Variants in GABRA4 observed in about 807,000 individuals in gnomAD.
GABRA4 encodes gamma-aminobutyric acid receptor subunit alpha-4.
GABRA4 carries 12 observed loss-of-function variants against 49.7 expected under a neutral mutation model. The observed-to-expected ratio is 0.24, with a 90% CI of 0.15 to 0.39. GABRA4 has a LOEUF of 0.39. GABRA4 is among the 10% of genes least tolerant of loss of function. GABRA4 has a pLI of 1.00. For synonymous variants in GABRA4, 288 were observed against 240.2 expected (o/e 1.20, Z -1.84); for missense variants, 506 against 686.0 (o/e 0.74, Z 2.93).
At chr4:46,962,183 G>A (rs1722599301) in intron 8 of GABRA4, among the ~76,000 whole-genome samples, 1 of 151,822 alleles carries the variant, frequency 6.6e-6, no homozygotes, top group Non-Finnish European at 1.5e-5. Flanking sequence ...TAGTTCTAAT[G>A]TGTGGCCATG....
rs1721128160 is a variant in GABRA4, at chr4:46,924,128, T to A, written c.*4097A>T. On this transcript the variant is annotated 3_prime_UTR_variant, in exon 9 of 9. Coordinates refer to ENST00000264318, the MANE Select transcript of GABRA4 (RefSeq NM_000809.4). ...CTCTCCTTCAACAATGTAATTAAGT[T>A]ATGTGGATCTTTTATCCACCTCTAT... The A allele has an allele frequency of 6.6e-6, 1 of 152,178 alleles. No individual in the cohort carries two copies. The highest frequency in any genetic ancestry group is 1.5e-5 in the Non-Finnish European group (1 of 68,032). The allele number at this position is 152,178 out of a possible 1,614,324, so 9.4% of individuals were successfully genotyped here.
intron 2 of GABRA4, among the ~76,000 whole-genome samples, chr4:46,985,574 T>C (rs1240135249): frequency 6.6e-6 from 1 of 152,006 alleles, no homozygotes; most frequent in Non-Finnish European, 1.5e-5. Flanking sequence ...GGCGGTGATG[T>C]TTAATGATAT....
At chr4:46,978,879 A>G (rs1723248966) in intron 3 of GABRA4, 152 bp downstream of exon 3, 1 of 654,880 alleles carries the variant, frequency 1.5e-6, no homozygotes, top group Non-Finnish European at 2.8e-6. Flanking sequence ...ATGAGATTCA[A>G]TGTCTTACTC....
At chr4:46,992,765 A>G in intron 2 of GABRA4, 63 bp downstream of exon 2, 1 of 1,154,454 alleles carries the variant, frequency 8.7e-7, no homozygotes, top group Non-Finnish European at 1.3e-6. Context: ...CCACAGACAG[A>G]CAGACAGGAA....
Position 46,979,027 on chromosome 4 carries a change from C to G in GABRA4, c.273+4G>C. On this transcript the variant is annotated splice_donor_region_variant and intron_variant, in intron 3 of 8. Transcript: ENST00000264318. ...AAGGTACATTAAACTTCGAAAATAC[C>G]TACCATTTCAACATCAGAAACAGGT... The G allele has an allele frequency of 6.3e-7, 1 of 1,597,538 alleles. No individual in the cohort carries two copies. Among genetic ancestry groups the G allele is most frequent in the East Asian group, 2.2e-5 (1 of 44,624 alleles).
chr4:46,967,753 C>T (rs905245061), intron 7 of GABRA4, among the ~76,000 whole-genome samples: 3 of 151,576 alleles, frequency 2.0e-5, no homozygotes, highest in Admixed American at 6.6e-5. Flanking sequence ...ATTATTGATG[C>T]CATTCCCTGC....
intron 8 of GABRA4, among the ~76,000 whole-genome samples, chr4:46,963,027 T>G (rs1201808647): frequency 6.6e-6 from 1 of 151,820 alleles, no homozygotes; most frequent in Non-Finnish European, 1.5e-5. Flanking sequence ...CTCTTGGACA[T>G]TGGTCTGGGC....
chr4:46,966,885 T>C (rs1388954890), intron 7 of GABRA4, among the ~76,000 whole-genome samples: 1 of 151,754 alleles, frequency 6.6e-6, no homozygotes, highest in Middle Eastern at 3.2e-3. Flanking sequence ...AATGAGTTTA[T>C]TCAATATATA....
intron 2 of GABRA4, among the ~76,000 whole-genome samples, chr4:46,992,505 T>A (rs1723792902): frequency 6.6e-6 from 1 of 152,088 alleles, no homozygotes; most frequent in African/African-American, 2.4e-5. Flanking sequence ...GGGAAACTAT[T>A]CTCAGCGAAG....
rs1431624322 is a variant in GABRA4 at position 46,927,484 on chromosome 4, G to A, written c.*741C>T. ...AGCTTTCCTAGAGAGACAGTTTCTAGCATAGTTCCTGGAACACAGTAGGCT... is the reference window on the plus strand; with the variant it reads ...AGCTTTCCTAGAGAGACAGTTTCTAACATAGTTCCTGGAACACAGTAGGCT... On this transcript the variant is annotated 3_prime_UTR_variant, in exon 9 of 9. Coordinates refer to ENST00000264318, the MANE Select transcript of GABRA4 (RefSeq NM_000809.4). 1 of 152,474 alleles carries A rather than the reference G, an allele frequency of 6.6e-6. No homozygotes were observed. Among genetic ancestry groups the A allele is most frequent in the Non-Finnish European group, 1.5e-5 (1 of 67,988 alleles). 9.4% of individuals were successfully genotyped at this position (152,474 alleles called of 1,614,324 possible). A position where few individuals can be genotyped will look rare whatever the true frequency, so the allele number is the denominator to read the frequency against.
At chr4:46,940,122 T>C (rs774947194) in intron 8 of GABRA4, among the ~76,000 whole-genome samples, 4 of 152,220 alleles carry the variant, frequency 2.6e-5, no homozygotes, top group Middle Eastern at 3.4e-3. Context: ...ATCTTCTATG[T>C]GATAAAAATA....
chr4:46,950,494 C>G (rs1220137661), intron 8 of GABRA4, among the ~76,000 whole-genome samples: 1 of 151,928 alleles, frequency 6.6e-6, no homozygotes, highest in Non-Finnish European at 1.5e-5. Context: ...CTGGGCCTCA[C>G]CTTTACTTCA....
At position 46,954,474 on chromosome 4, in the gene GABRA4, T is replaced by C. The variant is rs139559055; in HGVS notation, c.1134+10496A>G. Among the ~76,000 whole-genome samples the C allele has an allele frequency of 1.4e-3, 211 of 151,798 alleles. 7 individuals are homozygous for C. In the East Asian group the frequency reaches 0.038, roughly 27 times the overall value. Reference sequence around the variant, plus strand: ...CAGGAGGCTGAGGCAGAAGAATCACTTGAATCCGGGAGGTGGAGGTTGCAA... The same window carrying C: ...CAGGAGGCTGAGGCAGAAGAATCACCTGAATCCGGGAGGTGGAGGTTGCAA... On this transcript the variant is annotated intron_variant, in intron 8 of 8. Transcript: ENST00000264318.
intron 7 of GABRA4, among the ~76,000 whole-genome samples, chr4:46,966,850 C>T (rs2109378474): frequency 6.6e-6 from 1 of 151,690 alleles, no homozygotes; most frequent in South Asian, 2.1e-4. Flanking sequence ...TGTTAGCATT[C>T]TTATTAGTCT....
At chr4:46,959,425 C>T (rs1481512488) in intron 8 of GABRA4, among the ~76,000 whole-genome samples, 2 of 151,906 alleles carry the variant, frequency 1.3e-5, no homozygotes, top group African/African-American at 4.8e-5. Context: ...TAAAGTCTTT[C>T]CCAATGATTA....
At chr4:46,985,765 G>A (rs1337111047) in intron 2 of GABRA4, among the ~76,000 whole-genome samples, 1 of 151,730 alleles carries the variant, frequency 6.6e-6, no homozygotes, top group Non-Finnish European at 1.5e-5. Context: ...ATATATTATA[G>A]CACCAGTATA....
chr4:46,931,874 G>C (rs373859023), intron 8 of GABRA4, among the ~76,000 whole-genome samples: 40 of 152,272 alleles, frequency 2.6e-4, no homozygotes, highest in African/African-American at 9.1e-4. Flanking sequence ...AGATTCATGA[G>C]TGTTCCGTTA....
At chr4:46,963,844 C>G (rs182916636) in intron 8 of GABRA4, among the ~76,000 whole-genome samples, 33 of 151,814 alleles carry the variant, frequency 2.2e-4, no homozygotes, top group Non-Finnish European at 4.3e-4. Context: ...CTATGGAGAA[C>G]AGTTGGAGAG....
At chr4:46,944,764 T>C (rs919040804) in intron 8 of GABRA4, among the ~76,000 whole-genome samples, 1 of 152,114 alleles carries the variant, frequency 6.6e-6, no homozygotes, top group Non-Finnish European at 1.5e-5. Context: ...TTACACCATA[T>C]AAACTCAAAT....
Sources: allele counts gnomAD v4.1 joint callset (sites outside exome capture counted in the v4.1 genomes callset), GRCh38; gene constraint gnomAD v4.1.1; transcripts MANE v1.5; gene names NCBI Gene and HGNC (gene_info 2026-07-23, HGNC 2026-07-21).